SUMF1: variants seen among roughly 807,000 people sequenced by gnomAD.
SUMF1 encodes the protein formylglycine-generating enzyme.
SUMF1 carries 48 observed loss-of-function variants against 47.6 expected under a neutral mutation model. The observed-to-expected ratio is 1.01, with a 90% CI of 0.80 to 1.28. The LOEUF (loss-of-function observed/expected upper bound fraction) is 1.28, where lower values mean the gene tolerates loss of function less well. Ranked by LOEUF, SUMF1 falls within the 50% of genes most tolerant of loss-of-function variation. The pLI is 0.00. For synonymous variants in SUMF1, 230 were observed against 192.1 expected (o/e 1.20, Z -1.63); for missense variants, 571 against 485.4 (o/e 1.18, Z -1.66).
chr3:4,198,444 C>T (rs1311657472), intron 8 of SUMF1, among the ~76,000 whole-genome samples: 1 of 152,128 alleles, frequency 6.6e-6, no homozygotes. Flanking sequence ...TTCCTCCCAG[C>T]CCCAAGTTGA....
At chr3:4,167,499 T>C (rs769393501) in intron 8 of SUMF1, among the ~76,000 whole-genome samples, 1 of 152,074 alleles carries the variant, frequency 6.6e-6, no homozygotes, top group African/African-American at 2.4e-5. Flanking sequence ...GATTGGTACA[T>C]TTTACAAACC....
At chr3:4,138,990 T>C (rs1434436195) in intron 8 of SUMF1, among the ~76,000 whole-genome samples, 1 of 152,102 alleles carries the variant, frequency 6.6e-6, no homozygotes, top group Non-Finnish European at 1.5e-5. Context: ...CTTTCAGTGA[T>C]TCATGTTGGT....
intron 8 of SUMF1, among the ~76,000 whole-genome samples, chr3:4,211,123 C>CATAT (rs1280044876): frequency 1.3e-5 from 1 of 77,622 alleles, no homozygotes; most frequent in Non-Finnish European, 2.9e-5. Flanking sequence ...TATATATATA[C>CATAT]ACACACACAC....
At chr3:4,058,557 G>A (rs1490031744) in intron 9 of SUMF1, among the ~76,000 whole-genome samples, 3 of 152,090 alleles carry the variant, frequency 2.0e-5, no homozygotes, top group Admixed American at 6.6e-5. Flanking sequence ...AAAGATGGCT[G>A]GGAGAGTAAG....
At chr3:4,105,136 G>T (rs1023881825) in intron 8 of SUMF1, among the ~76,000 whole-genome samples, 1 of 152,124 alleles carries the variant, frequency 6.6e-6, no homozygotes, top group African/African-American at 2.4e-5. Context: ...AGGACAGAAA[G>T]GCAAATACTG....
chr3:4,266,337 C>T lies in SUMF1; in HGVS notation c.1014+109993G>A, dbSNP rs371399424. ...ACCTTGGGCAGTATGGCCATTTTCA[C>T]GATATTGATTCTTCCTACCCATGAG... is the stretch of plus-strand genomic sequence containing the variant. On this transcript the variant is annotated intron_variant and NMD_transcript_variant, in intron 8 of 12. Transcript: ENST00000448413. 6.9e-4 allele frequency among the ~76,000 whole-genome samples: 105 copies of T among 152,094 alleles called. 1 individual carries two copies. In the East Asian group the frequency reaches 7.0e-3, roughly 10 times the overall value.
chr3:4,209,861 G>A (rs911304987), intron 8 of SUMF1, among the ~76,000 whole-genome samples: 1 of 152,044 alleles, frequency 6.6e-6, no homozygotes, highest in African/African-American at 2.4e-5. Flanking sequence ...AATTAAAGAA[G>A]GCCAAAATAA....
intron 8 of SUMF1, among the ~76,000 whole-genome samples, chr3:4,351,557 G>A (rs1699502156): frequency 1.3e-5 from 2 of 152,308 alleles, no homozygotes; most frequent in Non-Finnish European, 2.9e-5. Context: ...CGAATGAGCT[G>A]ATAATGCACC....
In SUMF1 at chr3:4,259,213, T is replaced by C. The variant is rs556955774; in HGVS notation, c.1014+117117A>G. Among the ~76,000 whole-genome samples the C allele has an allele frequency of 2.6e-5, 4 of 151,950 alleles. No homozygotes were observed. The East Asian group carries it at 5.8e-4, about 22-fold the overall frequency. On this transcript the variant is annotated intron_variant and NMD_transcript_variant, in intron 8 of 12. Transcript: ENST00000448413. Reference sequence around the variant, plus strand: ...CACCAGCATGGCACATGTATACATATGTAAGTAACCTGCACAATGTGCACA... The same window carrying C: ...CACCAGCATGGCACATGTATACATACGTAAGTAACCTGCACAATGTGCACA...
chr3:4,176,402 G>T (rs991033739), intron 8 of SUMF1, among the ~76,000 whole-genome samples: 34 of 152,144 alleles, frequency 2.2e-4, no homozygotes, highest in African/African-American at 7.0e-4. Flanking sequence ...TTAAAGAAAA[G>T]AATTTCCAAA....
At chr3:4,269,178 T>C (rs979089986) in intron 8 of SUMF1, among the ~76,000 whole-genome samples, 1 of 152,092 alleles carries the variant, frequency 6.6e-6, no homozygotes, top group Non-Finnish European at 1.5e-5. Context: ...CACAGAATCA[T>C]TTTTTTATTA....
At chr3:4,157,790 T>C (rs1163268453) in intron 8 of SUMF1, among the ~76,000 whole-genome samples, 2 of 151,614 alleles carry the variant, frequency 1.3e-5, no homozygotes, top group African/African-American at 2.4e-5. Context: ...TAATTACTTT[T>C]ATTACAACAG....
At chr3:4,434,269 AT>A (rs1208100454) in intron 3 of SUMF1, among the ~76,000 whole-genome samples, 2 of 152,214 alleles carry the variant, frequency 1.3e-5, no homozygotes, top group Non-Finnish European at 2.9e-5. Context: ...AAAATGGTAA[AT>A]TTTATGTTAT....
intron 8 of SUMF1, among the ~76,000 whole-genome samples, chr3:4,093,826 G>A (rs1343030027): frequency 2.0e-5 from 3 of 152,062 alleles, no homozygotes; most frequent in African/African-American, 4.8e-5. Context: ...AGTTAATGAA[G>A]GGCCTTAAAT....
intron 8 of SUMF1, among the ~76,000 whole-genome samples, chr3:4,155,886 T>C (rs1484440666): frequency 4.0e-5 from 6 of 151,074 alleles, no homozygotes; most frequent in Non-Finnish European, 1.5e-5. Context: ...GACCTTCCCC[T>C]CCACAGATAC....
At chr3:4,462,764 G>A (rs1160441835) in intron 1 of SUMF1, among the ~76,000 whole-genome samples, 5 of 152,136 alleles carry the variant, frequency 3.3e-5, no homozygotes, top group African/African-American at 1.2e-4. Context: ...CATGCTCTCT[G>A]GATCTGTCCA....
At chr3:4,113,177 T>C (rs1318029317) in intron 8 of SUMF1, among the ~76,000 whole-genome samples, 1 of 152,124 alleles carries the variant, frequency 6.6e-6, no homozygotes, top group Non-Finnish European at 1.5e-5. Flanking sequence ...TCACCTAGAA[T>C]ATTTATCATT....
chr3:4,067,415 G>A (rs1695402382), intron 9 of SUMF1, among the ~76,000 whole-genome samples: 1 of 152,174 alleles, frequency 6.6e-6, no homozygotes, highest in Non-Finnish European at 1.5e-5. Flanking sequence ...GCCTTTGGCA[G>A]GCCATCCCAC....
chr3:4,404,557 A>G (rs558645199), intron 7 of SUMF1, among the ~76,000 whole-genome samples: 1 of 152,294 alleles, frequency 6.6e-6, no homozygotes, highest in South Asian at 2.1e-4. Context: ...CAGGAGTTCG[A>G]GACCAACCTG....
Sources: allele counts gnomAD v4.1 joint callset (sites outside exome capture counted in the v4.1 genomes callset), GRCh38; gene constraint gnomAD v4.1.1; transcripts MANE v1.5; gene names NCBI Gene and HGNC (gene_info 2026-07-23, HGNC 2026-07-21).